SNX8: variants seen among roughly 807,000 people sequenced by gnomAD.
SNX8 encodes the protein sorting nexin-8.
Under a neutral mutation model 51.6 loss-of-function variants are expected in SNX8, and 25 were observed. That is an observed-to-expected ratio of 0.48 (90% CI 0.35 to 0.68). The LOEUF (loss-of-function observed/expected upper bound fraction) is 0.68, where lower values mean the gene tolerates loss of function less well. Ranked by LOEUF, SNX8 falls within the 30% of genes least tolerant of loss-of-function variation. The probability of loss-of-function intolerance (pLI) is 0.00; values close to 1 mark genes in which losing one functional copy is unlikely to be tolerated. For synonymous variants in SNX8, 324 were observed against 277.0 expected (o/e 1.17, Z -1.68); for missense variants, 695 against 624.0 (o/e 1.11, Z -1.21).
chr7:2,316,086 A>C (rs1414721202), upstream of SNX8, among the ~76,000 whole-genome samples: 1 of 127,238 alleles, frequency 7.9e-6, no homozygotes, highest in Non-Finnish European at 1.6e-5. Flanking sequence ...CATGCACTTC[A>C]TCCTGCATTC....
intron 7 of SNX8, among the ~76,000 whole-genome samples, chr7:2,262,773 T>A (rs1795367359): frequency 6.6e-6 from 1 of 152,182 alleles, no homozygotes; most frequent in Admixed American, 6.5e-5. Flanking sequence ...CAGGAACAGA[T>A]GTGGATGGGC....
chr7:2,338,198 C>T (rs1383096135), intron 1 of SNX8, among the ~76,000 whole-genome samples: 1 of 152,012 alleles, frequency 6.6e-6, no homozygotes, highest in African/African-American at 2.4e-5. Flanking sequence ...CGCGGTGGCT[C>T]ACACCTGTAA....
intron 1 of SNX8, among the ~76,000 whole-genome samples, chr7:2,319,719 G>A (rs1461461574): frequency 6.6e-6 from 1 of 152,004 alleles, no homozygotes; most frequent in Non-Finnish European, 1.5e-5. Flanking sequence ...GGAGGCTAAG[G>A]CAGGAGAATG....
intron 1 of SNX8, among the ~76,000 whole-genome samples, chr7:2,349,672 A>G (rs1779102559): frequency 6.6e-6 from 1 of 152,042 alleles, no homozygotes; most frequent in Non-Finnish European, 1.5e-5. Context: ...CCTGCCTTCA[A>G]GAGATCTGCC....
chr7:2,353,838 A>G (rs902596373), intron 1 of SNX8, among the ~76,000 whole-genome samples: 3 of 152,064 alleles, frequency 2.0e-5, no homozygotes, highest in African/African-American at 7.2e-5. Flanking sequence ...TCCAACTCCT[A>G]AGCTCAAGCG....
chr7:2,282,062 C>G (rs1397206218), intron 1 of SNX8, among the ~76,000 whole-genome samples: 1 of 152,222 alleles, frequency 6.6e-6, no homozygotes, highest in Non-Finnish European at 1.5e-5. Flanking sequence ...GAAGCAGCCC[C>G]TCAGATCCCA....
Position 2,254,790 on chromosome 7 carries a change from G to C in SNX8, c.*266C>G. The C allele has an allele frequency of 1.8e-6, 1 of 542,336 alleles. No individual in the cohort carries two copies. The allele number at this position is 542,336 out of a possible 1,614,324, so 33.6% of individuals were successfully genotyped here. The stretch of plus-strand genomic sequence containing the variant: ...GATCCCTGCCTCCCCGCACAGCTCT[G>C]GGTGTCAGGAGGAAACCATTCCAGA... On this transcript the variant is annotated 3_prime_UTR_variant, in exon 11 of 11. Coordinates refer to ENST00000222990, the MANE Select transcript of SNX8 (RefSeq NM_013321.4).
At chr7:2,273,053 C>T (rs1405895066) in intron 3 of SNX8, among the ~76,000 whole-genome samples, 1 of 151,988 alleles carries the variant, frequency 6.6e-6, no homozygotes, top group East Asian at 2.0e-4. Flanking sequence ...ATGCTGGTCT[C>T]GAACTCCTGA....
chr7:2,306,505 A>T (rs1419266649), intron 1 of SNX8, among the ~76,000 whole-genome samples: 9 of 152,150 alleles, frequency 5.9e-5, no homozygotes, highest in African/African-American at 2.2e-4. Context: ...TTTAACTGAA[A>T]TTTTATCATA....
Position 2,256,903 on chromosome 7 carries a change from C to T in SNX8, c.1255G>A (p.Val419Ile). ...PLTSHILRAFVNSQIQGHKEM... is the reference protein window; with the variant it reads ...PLTSHILRAFINSQIQGHKEM... ...TTGTGCCCTTGGATCTGAGAGTTGA[C>T]GAAGGCGCGGAGGATGTGGGAGGTG... The change falls in exon 10 of 11, where the codon GTC becomes ATC. Residue 419 changes from valine to isoleucine, a missense_variant. By Grantham distance (29) the Val-to-Ile change is conservative. Transcript: ENST00000222990. 1 of 1,613,144 alleles carries T rather than the reference C, an allele frequency of 6.2e-7. No individual in the cohort carries two copies. Among genetic ancestry groups the T allele is most frequent in the African/African-American group, 1.3e-5 (1 of 75,000 alleles).
intron 3 of SNX8, among the ~76,000 whole-genome samples, chr7:2,272,387 T>C (rs1445536564): frequency 6.6e-6 from 1 of 152,018 alleles, no homozygotes; most frequent in Non-Finnish European, 1.5e-5. Flanking sequence ...CTTTTTTTTT[T>C]TTTTGAGACA....
At chr7:2,295,317 C>T (rs1796245987) in intron 1 of SNX8, among the ~76,000 whole-genome samples, 1 of 149,122 alleles carries the variant, frequency 6.7e-6, no homozygotes, top group Non-Finnish European at 1.5e-5. Context: ...GGCTCGAGAA[C>T]TGCTTGAACT....
At chr7:2,272,511 G>A (rs2115123815) in intron 3 of SNX8, among the ~76,000 whole-genome samples, 1 of 151,768 alleles carries the variant, frequency 6.6e-6, no homozygotes, top group South Asian at 2.1e-4. Flanking sequence ...AATTAGCTGG[G>A]ATTACAGGGG....
In SNX8 at chr7:2,273,521, G is replaced by T. The variant is rs1795698828; in HGVS notation, c.419-1550C>A. Among the ~76,000 whole-genome samples, 3 of 150,948 alleles carry T rather than the reference G, an allele frequency of 2.0e-5. No homozygotes were observed. The Admixed American group carries it at 2.0e-4, about 10-fold the overall frequency. On this transcript the variant is annotated intron_variant, in intron 3 of 10. Transcript: ENST00000222990. ...GAATGGCGTGAACCCGGCAGGCGGA[G>T]CTTGCAGTGAGCCGAGACCGCACCA...
Position 2,340,801 on chromosome 7 carries a change from G to A in SNX8, c.-66+13421C>T, listed in dbSNP as rs531656189. 7.2e-4 allele frequency among the ~76,000 whole-genome samples: 103 copies of A among 142,462 alleles called. 1 individual carries two copies. The highest frequency in any genetic ancestry group is 2.6e-3 in the African/African-American group (99 of 38,202). 93.5% of individuals were successfully genotyped at this position (142,462 alleles called of 152,430 possible). On this transcript the variant is annotated intron_variant, in intron 1 of 5. Coordinates refer to the SNX8 transcript ENST00000435336. ...GAACCCGGAGGGCGGAGGTTGCAGT[G>A]ACCCGAGGTTGCGCCACTGCACTCC...
At chr7:2,265,711 T>TG (rs200845293) in intron 5 of SNX8, among the ~76,000 whole-genome samples, 3,003 of 152,258 alleles carry the variant, frequency 0.02, 39 homozygotes, top group South Asian at 0.043. Flanking sequence ...ACTCTCCACA[T>TG]GGGGGGAAGG....
At position 2,254,732 on chromosome 7, in the gene SNX8, C is replaced by T. The variant is rs897651227; in HGVS notation, c.*324G>A. On this transcript the variant is annotated 3_prime_UTR_variant, in exon 11 of 11. Transcript: ENST00000222990. The stretch of plus-strand genomic sequence containing the variant: ...CCAGCACCTGGAGGCCCTGCCTCCA[C>T]GCTCCCCCAGGCACAATCTCTGTGA... 10 of 376,788 alleles carry T rather than the reference C, an allele frequency of 2.7e-5. No individual in the cohort carries two copies. Among genetic ancestry groups the T allele is most frequent in the African/African-American group, 8.4e-5 (4 of 47,374 alleles). 23.3% of individuals were successfully genotyped at this position (376,788 alleles called of 1,614,324 possible).
rs757619972 is a variant in SNX8 at position 2,278,085 on chromosome 7, C to T, written c.300+15G>A. 1.9e-6 allele frequency: 3 copies of T among 1,611,070 alleles called. No individual in the cohort carries two copies. Among genetic ancestry groups the T allele is most frequent in the South Asian group, 1.1e-5 (1 of 90,716 alleles). On this transcript the variant is annotated intron_variant, in intron 2 of 10. Coordinates refer to ENST00000222990, the MANE Select transcript of SNX8 (RefSeq NM_013321.4). ...TCCCCCTCCTGCCCCGACACACACA[C>T]AATTTGCCAGTTACCTGGCTGGAAA...
Position 2,253,050 on chromosome 7 carries a change from C to G in SNX8, c.*2006G>C, listed in dbSNP as rs577564077. On this transcript the variant is annotated 3_prime_UTR_variant, in exon 11 of 11. Coordinates refer to ENST00000222990, the MANE Select transcript of SNX8 (RefSeq NM_013321.4). ...AACTCCTGCCCTCCTGCTCCCTCCT[C>G]ACCCCTGCCCTCCAGCCTTCCACCT... 61 of 156,142 alleles carry G rather than the reference C, an allele frequency of 3.9e-4. No individual in the cohort carries two copies. Among genetic ancestry groups the G allele is most frequent in the Non-Finnish European group, 6.7e-4 (47 of 69,900 alleles). 9.7% of individuals were successfully genotyped at this position (156,142 alleles called of 1,614,324 possible).
Sources: allele counts gnomAD v4.1 joint callset (sites outside exome capture counted in the v4.1 genomes callset), GRCh38; gene constraint gnomAD v4.1.1; transcripts MANE v1.5; gene names NCBI Gene and HGNC (gene_info 2026-07-23, HGNC 2026-07-21).